Variants in TENM2 observed in about 807,000 individuals in gnomAD.
TENM2 encodes teneurin-2.
TENM2 carries 52 observed loss-of-function variants against 245.2 expected under a neutral mutation model. That is an observed-to-expected ratio of 0.21 (90% CI 0.17 to 0.27). The LOEUF (loss-of-function observed/expected upper bound fraction) is 0.27. TENM2 is among the 10% of genes least tolerant of loss of function. TENM2 has a pLI of 1.00. For synonymous variants in TENM2, 1,363 were observed against 1,438.9 expected (o/e 0.95, Z 1.19); for missense variants, 3,046 against 3,666.8 (o/e 0.83, Z 4.37).
intron 5 of TENM2, among the ~76,000 whole-genome samples, chr5:168,040,331 G>A (rs1243874010): frequency 6.6e-6 from 1 of 152,114 alleles, no homozygotes; most frequent in Non-Finnish European, 1.5e-5. Context: ...CACGATTCTG[G>A]GATTGTATCT....
At chr5:168,242,669 T>G (rs1001062529) in intron 25 of TENM2, among the ~76,000 whole-genome samples, 1 of 152,194 alleles carries the variant, frequency 6.6e-6, no homozygotes, top group Non-Finnish European at 1.5e-5. Context: ...ATCATTACTA[T>G]CAGCTGGGCG....
intron 2 of TENM2, among the ~76,000 whole-genome samples, chr5:167,534,226 G>A (rs930912660): frequency 3.3e-5 from 5 of 152,176 alleles, no homozygotes; most frequent in African/African-American, 1.2e-4. Flanking sequence ...ACTCATAAGG[G>A]ACTGTGGGTA....
the TENM2 span, among the ~76,000 whole-genome samples, chr5:167,070,106 A>ATT: frequency 8.3e-5 from 7 of 84,614 alleles, no homozygotes; most frequent in Non-Finnish European, 1.9e-4. Context: ...TCATTTGACA[A>ATT]ATATTTATTT....
chr5:167,453,939 AT>A (rs1363534029), intron 2 of TENM2, among the ~76,000 whole-genome samples: 6 of 152,232 alleles, frequency 3.9e-5, no homozygotes, highest in Non-Finnish European at 8.8e-5. Context: ...AAGCTTTATA[AT>A]TTTCCATCTC....
At chr5:167,200,153 C>T in the TENM2 span, among the ~76,000 whole-genome samples, 1 of 151,716 alleles carries the variant, frequency 6.6e-6, no homozygotes, top group Non-Finnish European at 1.5e-5. Flanking sequence ...TTCTATCCCC[C>T]TTTGTGTGTG....
At chr5:167,939,799 A>G (rs1242609718) in intron 3 of TENM2, among the ~76,000 whole-genome samples, 2 of 152,224 alleles carry the variant, frequency 1.3e-5, no homozygotes, top group Non-Finnish European at 1.5e-5. Flanking sequence ...TGTATCGGCA[A>G]CTACGCAGAT....
chr5:168,186,280 G>A (rs77658939), intron 13 of TENM2: 6 of 152,120 alleles, frequency 3.9e-5, no homozygotes, highest in East Asian at 3.9e-4. Context: ...CCTGTTTCAC[G>A]TTGCCAGAAC....
At chr5:167,427,180 G>A (rs62388813) in intron 2 of TENM2, among the ~76,000 whole-genome samples, 10,278 of 152,186 alleles carry the variant, frequency 0.068, 448 homozygotes, top group East Asian at 0.14. Context: ...AAGGCCGGGC[G>A]CGGTGGCTCA....
chr5:167,015,644 T>G, the TENM2 span, among the ~76,000 whole-genome samples: 1 of 152,202 alleles, frequency 6.6e-6, no homozygotes, highest in African/African-American at 2.4e-5. Flanking sequence ...AATTATAGTT[T>G]GTTTGTTTGT....
At chr5:168,207,108 T>C (rs1290638546) in intron 19 of TENM2, among the ~76,000 whole-genome samples, 1 of 152,152 alleles carries the variant, frequency 6.6e-6, no homozygotes. Flanking sequence ...TGATCCTCCA[T>C]TAGAGTTGAT....
chr5:168,067,933 G>A lies in TENM2; in HGVS notation c.1515+5668G>A, dbSNP rs141193272. Among the ~76,000 whole-genome samples, 584 of 152,274 alleles carry A rather than the reference G, an allele frequency of 3.8e-3. 2 individuals carry two copies. Among genetic ancestry groups the A allele is most frequent in the African/African-American group, 0.013 (548 of 41,554 alleles). ...TTTGGAGGAAGCCAGATCTTTACAGGCATGTTTTTCAGAACCTTCCTTTCC... is the reference window on the plus strand; with the variant it reads ...TTTGGAGGAAGCCAGATCTTTACAGACATGTTTTTCAGAACCTTCCTTTCC... On this transcript the variant is annotated intron_variant, in intron 7 of 28. Transcript: ENST00000518659.
chr5:167,609,412 A>G (rs1777290565), intron 2 of TENM2, among the ~76,000 whole-genome samples: 1 of 143,404 alleles, frequency 7.0e-6, no homozygotes, highest in African/African-American at 2.6e-5. Context: ...TTTCCAAGCC[A>G]TTCTTCTCTT....
At chr5:167,585,575 T>C (rs935267416) in intron 2 of TENM2, among the ~76,000 whole-genome samples, 1 of 152,226 alleles carries the variant, frequency 6.6e-6, no homozygotes, top group African/African-American at 2.4e-5. Context: ...CAAATTTCTC[T>C]GCTTCTTTTC....
intron 1 of TENM2, among the ~76,000 whole-genome samples, chr5:167,290,414 A>G (rs1333759170): frequency 6.6e-6 from 1 of 152,180 alleles, no homozygotes; most frequent in Non-Finnish European, 1.5e-5. Context: ...TTCTTTTAAT[A>G]AGTGCTAGTA....
intron 1 of TENM2, among the ~76,000 whole-genome samples, chr5:167,298,601 C>CA (rs34168401): frequency 1.3e-5 from 2 of 151,804 alleles, no homozygotes; most frequent in Admixed American, 1.3e-4. Context: ...GACTCCGTCT[C>CA]AAAAAAACAA....
At chr5:166,998,757 G>A in the TENM2 span, among the ~76,000 whole-genome samples, 1 of 152,164 alleles carries the variant, frequency 6.6e-6, no homozygotes, top group African/African-American at 2.4e-5. Context: ...TTAGAGAAAT[G>A]TGAACACACA....
intron 5 of TENM2, among the ~76,000 whole-genome samples, chr5:167,994,557 A>ATTTTTCAGCTTC (rs1281419217): frequency 6.6e-6 from 1 of 152,160 alleles, no homozygotes; most frequent in African/African-American, 2.4e-5. Flanking sequence ...ATTGACATAA[A>ATTTTTCAGCTTC]TTTTTCAGCT....
chr5:167,673,331 A>G (rs923812115), intron 2 of TENM2, among the ~76,000 whole-genome samples: 21 of 152,094 alleles, frequency 1.4e-4, no homozygotes, highest in African/African-American at 5.1e-4. Context: ...TAATTTTAGC[A>G]TAAAAGATGG....
At chr5:168,030,182 T>TTC (rs1787008117) in intron 5 of TENM2, among the ~76,000 whole-genome samples, 5 of 135,952 alleles carry the variant, frequency 3.7e-5, no homozygotes, top group African/African-American at 5.7e-5. Context: ...TTTTTTTTTT[T>TTC]TTTTTCATCT....
Sources: allele counts gnomAD v4.1 joint callset (sites outside exome capture counted in the v4.1 genomes callset), GRCh38; gene constraint gnomAD v4.1.1; transcripts MANE v1.5; gene names NCBI Gene and HGNC (gene_info 2026-07-23, HGNC 2026-07-21).